The following NLGN1 variants were observed in gnomAD, a reference collection of about 807,000 sequenced individuals.
NLGN1 encodes the protein neuroligin-1.
In NLGN1, 12 loss-of-function variants were observed where a neutral mutation model predicts 65.5. That is an observed-to-expected ratio of 0.18 (90% confidence interval 0.12 to 0.30). The LOEUF is 0.30. Among genes scored for constraint, NLGN1 ranks in the 10% least tolerant of loss-of-function variants. The probability of loss-of-function intolerance (pLI) is 1.00; values close to 1 mark genes in which losing one functional copy is unlikely to be tolerated. For missense variants in NLGN1, 750 were observed against 1,007.1 expected, an observed-to-expected ratio of 0.74 and a Z score of 3.46; for synonymous variants, 350 against 359.5, an observed-to-expected ratio of 0.97 and a Z score of 0.30.
chr3:173,579,726 C>G (rs1287401708), intron 2 of NLGN1, among the ~76,000 whole-genome samples: 1 of 152,166 alleles, frequency 6.6e-6, no homozygotes, highest in East Asian at 1.9e-4. Context: ...AAACAGTCAC[C>G]TTTGCAGTAG....
intron 1 of NLGN1, among the ~76,000 whole-genome samples, chr3:173,425,972 T>C (rs1436361044): frequency 6.6e-6 from 1 of 152,212 alleles, no homozygotes; most frequent in Non-Finnish European, 1.5e-5. Context: ...ATGATATGTC[T>C]TTTAATTTTT....
intron 4 of NLGN1, among the ~76,000 whole-genome samples, chr3:174,104,620 T>G (rs761137707): frequency 2.9e-4 from 44 of 152,226 alleles, no homozygotes; most frequent in Non-Finnish European, 5.4e-4. Context: ...GCACTTGAAT[T>G]ATAGTGGTAC....
intron 4 of NLGN1, among the ~76,000 whole-genome samples, chr3:173,930,498 G>T (rs947171647): frequency 6.6e-6 from 1 of 152,048 alleles, no homozygotes; most frequent in Admixed American, 6.6e-5. Flanking sequence ...ATTAAACAGG[G>T]TTTCATTGAA....
intron 4 of NLGN1, among the ~76,000 whole-genome samples, chr3:174,198,804 T>C (rs974000940): frequency 2.0e-5 from 3 of 151,566 alleles, no homozygotes; most frequent in African/African-American, 7.3e-5. Context: ...ACAAAGGTAA[T>C]GTGCATGAAT....
At chr3:173,675,887 T>TCTCTCTCTCTCTCACACA (rs756157881) in intron 3 of NLGN1, among the ~76,000 whole-genome samples, 1 of 138,576 alleles carries the variant, frequency 7.2e-6, no homozygotes, top group African/African-American at 2.8e-5. Context: ...TCTCTCTCTC[T>TCTCTCTCTCTCTCACACA]CACACACACA....
chr3:174,010,263 TC>T (rs1725273790), intron 4 of NLGN1, among the ~76,000 whole-genome samples: 1 of 152,180 alleles, frequency 6.6e-6, no homozygotes, highest in South Asian at 2.1e-4. Flanking sequence ...AGCCATTTGC[TC>T]CCTTAAAATG....
At chr3:173,422,162 CAT>C (rs1486020192) in intron 1 of NLGN1, among the ~76,000 whole-genome samples, 14 of 151,952 alleles carry the variant, frequency 9.2e-5, no homozygotes, top group African/African-American at 2.9e-4. Context: ...CACACACACA[CAT>C]ACACACAATG....
At chr3:173,414,582 T>TG (rs1016852922) in intron 1 of NLGN1, among the ~76,000 whole-genome samples, 1 of 137,934 alleles carries the variant, frequency 7.2e-6, no homozygotes, top group African/African-American at 2.7e-5. Flanking sequence ...CATCTCCATG[T>TG]GAAAAAAAAA....
At chr3:174,029,518 G>A (rs1005515077) in intron 4 of NLGN1, among the ~76,000 whole-genome samples, 2 of 152,130 alleles carry the variant, frequency 1.3e-5, no homozygotes, top group Non-Finnish European at 2.9e-5. Context: ...AGGCTCACAG[G>A]TGGAAGGGAC....
intron 3 of NLGN1, among the ~76,000 whole-genome samples, chr3:173,648,193 C>T (rs954558085): frequency 6.6e-6 from 1 of 151,842 alleles, no homozygotes; most frequent in Non-Finnish European, 1.5e-5. Flanking sequence ...CAAATGACTT[C>T]ATTAAGAGGA....
intron 4 of NLGN1, among the ~76,000 whole-genome samples, chr3:174,117,605 A>AG (rs1276235897): frequency 1.3e-5 from 2 of 148,822 alleles, no homozygotes; most frequent in African/African-American, 2.5e-5. Flanking sequence ...TGGGCAATAG[A>AG]GAAAAAAAAA....
At chr3:174,200,859 A>G (rs1024984555) in intron 4 of NLGN1, among the ~76,000 whole-genome samples, 2 of 152,204 alleles carry the variant, frequency 1.3e-5, no homozygotes, top group Admixed American at 1.3e-4. Flanking sequence ...AATTACATGG[A>G]GCAAAAATCA....
At chr3:174,064,383 C>T (rs1288952221) in intron 4 of NLGN1, among the ~76,000 whole-genome samples, 2 of 151,874 alleles carry the variant, frequency 1.3e-5, no homozygotes, top group Non-Finnish European at 2.9e-5. Flanking sequence ...ATTAGCCTAT[C>T]ATCATAACTA....
At chr3:173,884,238 T>TA (rs1042167472) in intron 4 of NLGN1, among the ~76,000 whole-genome samples, 8 of 152,164 alleles carry the variant, frequency 5.3e-5, no homozygotes, top group African/African-American at 1.9e-4. Flanking sequence ...AACTGATGTT[T>TA]AAAAAAATAA....
chr3:173,789,975 AATCCTTTGTTGTCAT>A, intron 3 of NLGN1: 3 of 440,780 alleles, frequency 6.8e-6, no homozygotes, highest in South Asian at 4.9e-5. Context: ...GTCTTTTTTT[AATCCTTTGTTGTCAT>A]AACCATGCCT....
At chr3:173,938,324 A>G (rs113847307) in intron 4 of NLGN1, among the ~76,000 whole-genome samples, 2,397 of 152,274 alleles carry the variant, frequency 0.016, 28 homozygotes, top group Non-Finnish European at 0.021. Context: ...AGAAAATGTA[A>G]GAGCCAGAGC....
chr3:173,606,179 T>C (rs1482843432), intron 3 of NLGN1, among the ~76,000 whole-genome samples: 1 of 152,094 alleles, frequency 6.6e-6, no homozygotes, highest in African/African-American at 2.4e-5. Flanking sequence ...GCAGATTTGA[T>C]ACTAAATATT....
chr3:174,085,408 A>C (rs1281868148), intron 4 of NLGN1, among the ~76,000 whole-genome samples: 1 of 152,054 alleles, frequency 6.6e-6, no homozygotes, highest in Non-Finnish European at 1.5e-5. Flanking sequence ...GGTGTGAATT[A>C]AAGTCATTTC....
chr3:173,876,742 A>G (rs958842019), intron 4 of NLGN1, among the ~76,000 whole-genome samples: 2 of 152,216 alleles, frequency 1.3e-5, no homozygotes, highest in African/African-American at 4.8e-5. Context: ...AAACAACATT[A>G]TAAATAGCAT....
Sources: allele counts gnomAD v4.1 joint callset (sites outside exome capture counted in the v4.1 genomes callset), GRCh38; gene constraint gnomAD v4.1.1; transcripts MANE v1.5; gene names NCBI Gene and HGNC (gene_info 2026-07-23, HGNC 2026-07-21).